SUPT20HL2: variants seen among roughly 807,000 people sequenced by gnomAD.
The protein encoded by SUPT20HL2 is transcription factor SPT20 homolog-like 2.
For synonymous variants in SUPT20HL2, 125 were observed against 51.6 expected, an observed-to-expected ratio of 2.42 and a Z score of -6.10; for missense variants, 288 against 127.4, an observed-to-expected ratio of 2.26 and a Z score of -6.07.
At position 24,310,830 on chromosome X, in the gene SUPT20HL2, T is replaced by G. The variant is rs1939115664; in HGVS notation, c.*32A>C. The G allele has an allele frequency of 2.9e-6, 1 of 344,261 alleles. No homozygotes were observed. The highest frequency in any genetic ancestry group is 2.6e-5 in the African/African-American group (1 of 38,045). 28.4% of individuals were successfully genotyped at this position (344,261 alleles called of 1,213,427 possible). A position where few individuals can be genotyped will look rare whatever the true frequency, so the allele number is the denominator to read the frequency against. Reference sequence around the variant, plus strand: ...GAATTCATGTGGGTCAGTGCTCCCATGCTTTTAAAAGAGAACAAACTACCA... The same window carrying G: ...GAATTCATGTGGGTCAGTGCTCCCAGGCTTTTAAAAGAGAACAAACTACCA... On this transcript the variant is annotated 3_prime_UTR_variant, in exon 1 of 1. Coordinates refer to ENST00000486479, the MANE Select transcript of SUPT20HL2 (RefSeq NM_001136233.3).
In SUPT20HL2 at chrX:24,309,747, A is replaced by AAAAAAAAAAAAAAAAAAAAAAAAAC. The variant is rs1939103179; in HGVS notation, c.*1114_*1115insGTTTTTTTTTTTTTTTTTTTTTTTT. ...AAATAATAAAAATAAAAAAAAAAAGAAAAAAAAAAAAAAAAAAAAAAACAT... is the reference window on the plus strand; with the variant it reads ...AAATAATAAAAATAAAAAAAAAAAGAAAAAAAAAAAAAAAAAAAAAAAAACAAAAAAAAAAAAAAAAAAAAAACAT... On this transcript the variant is annotated 3_prime_UTR_variant, in exon 1 of 1. Transcript: ENST00000486479. Among the ~76,000 whole-genome samples the AAAAAAAAAAAAAAAAAAAAAAAAAC allele has an allele frequency of 3.0e-3, 8 of 2,701 alleles. No individual in the cohort carries two copies. Among genetic ancestry groups the AAAAAAAAAAAAAAAAAAAAAAAAAC allele is most frequent in the East Asian group, 8.9e-3 (1 of 112 alleles). The allele number at this position is 2,701 out of a possible 115,157, so 2.3% of individuals were successfully genotyped here.
In SUPT20HL2 at chrX:24,311,150, G is replaced by A. The variant is rs753868783; in HGVS notation, c.2166C>T (p.Pro722=). The A allele has an allele frequency of 4.3e-5, 16 of 375,166 alleles. No homozygotes were observed. Among genetic ancestry groups the A allele is most frequent in the Admixed American group, 1.1e-4 (4 of 37,633 alleles). The allele number at this position is 375,166 out of a possible 1,213,427, so 30.9% of individuals were successfully genotyped here. ...GACTCAACACAGCAGCCTGGGGCTG[G>A]GGCTGCAGACCACTACCTGCTCCAG... ...NLTGAGSGLQ[P]QPQAAVLSLL... The change falls in exon 1 of 1, where the codon CCC becomes CCT. Residue 722 remains proline (P), a synonymous_variant. Coordinates refer to ENST00000486479, the MANE Select transcript of SUPT20HL2 (RefSeq NM_001136233.3).
Position 24,308,972 on chromosome X carries a change from T to C in SUPT20HL2, c.*1890A>G, listed in dbSNP as rs1176287295. Reference sequence around the variant, plus strand: ...AGGCCAGACACAAAAGATCACATACTGTATGACTACATTTACAGGAAATAT... The same window carrying C: ...AGGCCAGACACAAAAGATCACATACCGTATGACTACATTTACAGGAAATAT... On this transcript the variant is annotated 3_prime_UTR_variant, in exon 1 of 1. Transcript: ENST00000486479. Among the ~76,000 whole-genome samples, 3 of 112,677 alleles carry C rather than the reference T, an allele frequency of 2.7e-5. No individual in the cohort carries two copies. The highest frequency in any genetic ancestry group is 5.6e-5 in the Non-Finnish European group (3 of 53,348).
Position 24,313,950 on chromosome X carries a change from C to A in SUPT20HL2, c.-635G>T, listed in dbSNP as rs751294769. 2.7e-6 allele frequency: 1 copy of A among 364,447 alleles called. No individual in the cohort carries two copies. The highest frequency in any genetic ancestry group is 2.7e-5 in the Admixed American group (1 of 37,158). The allele number at this position is 364,447 out of a possible 1,213,427, so 30.0% of individuals were successfully genotyped here. A position where few individuals can be genotyped will look rare whatever the true frequency, so the allele number is the denominator to read the frequency against. On this transcript the variant is annotated 5_prime_UTR_variant, in exon 1 of 1. Coordinates refer to ENST00000486479, the MANE Select transcript of SUPT20HL2 (RefSeq NM_001136233.3). ...CTTCTAGGCGCGTCTGGGCACCTGCCCAGAAACCTGCCCCCAGGGAAGCGC... is the reference window on the plus strand; with the variant it reads ...CTTCTAGGCGCGTCTGGGCACCTGCACAGAAACCTGCCCCCAGGGAAGCGC...
rs1939160185 is a variant in SUPT20HL2 at position 24,313,907 on chromosome X, C to T, written c.-592G>A. 2.7e-6 allele frequency: 1 copy of T among 367,033 alleles called. No individual in the cohort carries two copies. Among genetic ancestry groups the T allele is most frequent in the Non-Finnish European group, 5.3e-6 (1 of 190,244 alleles). The allele number at this position is 367,033 out of a possible 1,213,427, so 30.2% of individuals were successfully genotyped here. On this transcript the variant is annotated 5_prime_UTR_variant, in exon 1 of 1. Transcript: ENST00000486479. ...CTCTGCGGCCTGGAACGGAAGTGAG[C>T]GGGAGGGCCGGGGTCAGCTTCTAGG... is the stretch of plus-strand genomic sequence containing the variant.
Position 24,308,993 on chromosome X carries a change from A to G in SUPT20HL2, c.*1869T>C, listed in dbSNP as rs748210667. 1.0e-3 allele frequency among the ~76,000 whole-genome samples: 114 copies of G among 112,594 alleles called. No individual in the cohort carries two copies. The highest frequency in any genetic ancestry group is 1.6e-3 in the African/African-American group (51 of 31,162). On this transcript the variant is annotated 3_prime_UTR_variant, in exon 1 of 1. Transcript: ENST00000486479. ...ATACTGTATGACTACATTTACAGGAAATATTTAGGTAAATCCATAGAAACA... is the reference window on the plus strand; with the variant it reads ...ATACTGTATGACTACATTTACAGGAGATATTTAGGTAAATCCATAGAAACA...
rs200038873 is a variant in SUPT20HL2 at position 24,308,327 on chromosome X, G to A, written c.*2535C>T. 2.7e-6 allele frequency: 1 copy of A among 373,053 alleles called. No homozygotes were observed. The highest frequency in any genetic ancestry group is 5.2e-6 in the Non-Finnish European group (1 of 192,081). 30.7% of individuals were successfully genotyped at this position (373,053 alleles called of 1,213,427 possible). A position where few individuals can be genotyped will look rare whatever the true frequency, so the allele number is the denominator to read the frequency against. ...TACTTGAAAGAAGCAGCAGGCAAAG[G>A]AGAAAGCACACCAAATTTGGTGACA... is the stretch of plus-strand genomic sequence containing the variant. On this transcript the variant is annotated 3_prime_UTR_variant, in exon 1 of 1. Coordinates refer to ENST00000486479, the MANE Select transcript of SUPT20HL2 (RefSeq NM_001136233.3).
rs1217691968 is a variant in SUPT20HL2 at position 24,310,034 on chromosome X, A to G, written c.*828T>C. ...TAAACCTATTAATGTGAATACGATT[A>G]CACTCTTTCTTCTGAAAGAGGTTTC... On this transcript the variant is annotated 3_prime_UTR_variant, in exon 1 of 1. Transcript: ENST00000486479. Among the ~76,000 whole-genome samples, 1 of 111,612 alleles carries G rather than the reference A, an allele frequency of 9.0e-6. No individual in the cohort carries two copies. Among genetic ancestry groups the G allele is most frequent in the African/African-American group, 3.3e-5 (1 of 30,665 alleles).
chrX:24,309,769 A>AAAACCAAAAAAAAACCC lies in SUPT20HL2; in HGVS notation c.*1092_*1093insGGGTTTTTTTTTGGTTT, dbSNP rs1939105758. ...AAGAAAAAAAAAAAAAAAAAAAAAA[A>AAAACCAAAAAAAAACCC]CATCCAAAAAGAGCCTTTTCAAAGC... is the stretch of plus-strand genomic sequence containing the variant. On this transcript the variant is annotated 3_prime_UTR_variant, in exon 1 of 1. Transcript: ENST00000486479. Among the ~76,000 whole-genome samples the AAAACCAAAAAAAAACCC allele has an allele frequency of 1.6e-5, 1 of 61,869 alleles. No homozygotes were observed. The allele number at this position is 61,869 out of a possible 115,157, so 53.7% of individuals were successfully genotyped here. A position where few individuals can be genotyped will look rare whatever the true frequency, so the allele number is the denominator to read the frequency against.
Position 24,312,859 on chromosome X carries a change from T to C in SUPT20HL2, c.457A>G (p.Ser153Gly). The change falls in exon 1 of 1, where the codon AGT becomes GGT. Residue 153 changes from serine to glycine, a missense_variant. Physicochemically the swap from Ser to Gly is moderately conservative, Grantham distance 56. Transcript: ENST00000486479. ...TGGTAACCAGGAGGTTGCATATTAC[T>C]GGACTGCCTGTAGTCACGAACTTCT... is the stretch of plus-strand genomic sequence containing the variant. ...IVEVRDYRQS[S>G]NMQPPGYQSR... 1 of 385,449 alleles carries C rather than the reference T, an allele frequency of 2.6e-6. No individual in the cohort carries two copies. The highest frequency in any genetic ancestry group is 5.2e-6 in the Non-Finnish European group (1 of 192,232). The allele number at this position is 385,449 out of a possible 1,213,427, so 31.8% of individuals were successfully genotyped here. A position where few individuals can be genotyped will look rare whatever the true frequency, so the allele number is the denominator to read the frequency against.
rs750601612 is a variant in SUPT20HL2, at chrX:24,311,342, C to G, written c.1974G>C (p.Ala658=). The G allele has an allele frequency of 2.6e-6, 1 of 386,369 alleles. No homozygotes were observed. Among genetic ancestry groups the G allele is most frequent in the Non-Finnish European group, 5.2e-6 (1 of 192,520 alleles). 31.8% of individuals were successfully genotyped at this position (386,369 alleles called of 1,213,427 possible). Reference sequence around the variant, plus strand: ...ACTGCTGCTGCGGGCCGGTCAGAACCGCCCAGCCCTGCGGAACCTGGAGTG... The same window carrying G: ...ACTGCTGCTGCGGGCCGGTCAGAACGGCCCAGCCCTGCGGAACCTGGAGTG... ...PLTLQVPQGW[A]VLTGPQQQSH... is the part of the protein sequence containing the mutation. Residue 658 remains alanine, a synonymous_variant, in exon 1 of 1, where the codon GCG becomes GCC. Coordinates refer to ENST00000486479, the MANE Select transcript of SUPT20HL2 (RefSeq NM_001136233.3).
rs373009818 is a variant in SUPT20HL2 at position 24,313,251 on chromosome X, C to A, written c.65G>T (p.Arg22Ile). The change falls in exon 1 of 1, where the codon AGA (arginine) becomes ATA (isoleucine). Residue 22 changes from arginine (R) to isoleucine (I), a missense_variant. Arg to Ile is a moderately conservative substitution (Grantham distance 97). Transcript: ENST00000486479. ...TENITEIAQQ[R>I]RPRRRYSPRA... Reference sequence around the variant, plus strand: ...AGGTGAGTATCTCCTTCTAGGACGTCTCTGTTGGGCAATTTCAGTGATATT... The same window carrying A: ...AGGTGAGTATCTCCTTCTAGGACGTATCTGTTGGGCAATTTCAGTGATATT... 2 of 385,059 alleles carry A rather than the reference C, an allele frequency of 5.2e-6. No homozygotes were observed. The highest frequency in any genetic ancestry group is 5.1e-5 in the African/African-American group (2 of 39,040). The allele number at this position is 385,059 out of a possible 1,213,427, so 31.7% of individuals were successfully genotyped here.
Position 24,308,955 on chromosome X carries a change from C to T in SUPT20HL2, c.*1907G>A, listed in dbSNP as rs1397190130. ...ATTATGCCGAGTGAAAGAGGCCAGA[C>T]ACAAAAGATCACATACTGTATGACT... On this transcript the variant is annotated 3_prime_UTR_variant, in exon 1 of 1. Coordinates refer to ENST00000486479, the MANE Select transcript of SUPT20HL2 (RefSeq NM_001136233.3). Among the ~76,000 whole-genome samples, 1 of 112,529 alleles carries T rather than the reference C, an allele frequency of 8.9e-6. No individual in the cohort carries two copies. The highest frequency in any genetic ancestry group is 3.2e-5 in the African/African-American group (1 of 31,086).
rs1284446733 is a variant in SUPT20HL2 at position 24,313,585 on chromosome X, C to CG, written c.-271dup. 5.9e-5 allele frequency among the ~76,000 whole-genome samples: 6 copies of CG among 102,213 alleles called. No individual in the cohort carries two copies. The highest frequency in any genetic ancestry group is 2.2e-4 in the African/African-American group (6 of 27,228). 88.8% of individuals were successfully genotyped at this position (102,213 alleles called of 115,157 possible). A position where few individuals can be genotyped will look rare whatever the true frequency, so the allele number is the denominator to read the frequency against. ...CTGGAACAGAAGTGAGCGGGAGGGC[C>CG]GGGGTCAGCTTCTAGGCGCGTCTGG... is the stretch of plus-strand genomic sequence containing the variant. On this transcript the variant is annotated 5_prime_UTR_variant, in exon 1 of 1. Transcript: ENST00000486479.
chrX:24,311,779 CAGCAGGAGCAGG>C lies in SUPT20HL2; in HGVS notation c.1525_1536del (p.Pro509_Ala512del), dbSNP rs758836549. ...GCAGCAGCAGCTAAAGCAGGAGCAG[CAGCAGGAGCAGG>C]AGCAGGAGCAGGAGCAGCAGCAGCT... On this transcript the variant is annotated inframe_deletion, in exon 1 of 1. Transcript: ENST00000486479. 236 of 336,953 alleles carry C rather than the reference CAGCAGGAGCAGG, an allele frequency of 7.0e-4. No individual in the cohort carries two copies. Among genetic ancestry groups the C allele is most frequent in the African/African-American group, 1.1e-3 (42 of 37,821 alleles). The allele number at this position is 336,953 out of a possible 1,213,427, so 27.8% of individuals were successfully genotyped here.
Position 24,309,757 on chromosome X carries a change from A to G in SUPT20HL2, c.*1105T>C, listed in dbSNP as rs1939104316. 4.4e-5 allele frequency among the ~76,000 whole-genome samples: 4 copies of G among 91,376 alleles called. No homozygotes were observed. The highest frequency in any genetic ancestry group is 6.4e-5 in the Non-Finnish European group (3 of 46,542). 79.3% of individuals were successfully genotyped at this position (91,376 alleles called of 115,157 possible). ...AATAAAAAAAAAAAGAAAAAAAAAA[A>G]AAAAAAAAAAAACATCCAAAAAGAG... On this transcript the variant is annotated 3_prime_UTR_variant, in exon 1 of 1. Coordinates refer to ENST00000486479, the MANE Select transcript of SUPT20HL2 (RefSeq NM_001136233.3).
chrX:24,311,761 C>T lies in SUPT20HL2; in HGVS notation c.1555G>A (p.Ala519Thr), dbSNP rs752257801. The change falls in exon 1 of 1, where the codon GCT becomes ACT. Residue 519 changes from alanine to threonine, a missense_variant. Transcript: ENST00000486479. Reference sequence around the variant, plus strand: ...CCGGCCGCCGCCGCCACAGCAGCAGCAGCTAAAGCAGGAGCAGCAGCAGGA... The same window carrying T: ...CCGGCCGCCGCCGCCACAGCAGCAGTAGCTAAAGCAGGAGCAGCAGCAGGA... ...PAPAAAPALA[A>T]AAVAAAAGGA... The T allele has an allele frequency of 3.6e-4, 127 of 349,390 alleles. No individual in the cohort carries two copies. Among genetic ancestry groups the T allele is most frequent in the Non-Finnish European group, 6.7e-4 (118 of 175,307 alleles). 28.8% of individuals were successfully genotyped at this position (349,390 alleles called of 1,213,427 possible).
rs954965747 is a variant in SUPT20HL2 at position 24,308,545 on chromosome X, G to A, written c.*2317C>T. On this transcript the variant is annotated 3_prime_UTR_variant, in exon 1 of 1. Transcript: ENST00000486479. Reference sequence around the variant, plus strand: ...AGTTGGTCAAATCTTTAACAGCATCGGTAGCACATTAGTAAAAGGGTTCAT... The same window carrying A: ...AGTTGGTCAAATCTTTAACAGCATCAGTAGCACATTAGTAAAAGGGTTCAT... Among the ~76,000 whole-genome samples, 11 of 112,162 alleles carry A rather than the reference G, an allele frequency of 9.8e-5. No individual in the cohort carries two copies. Among genetic ancestry groups the A allele is most frequent in the African/African-American group, 3.2e-4 (10 of 30,876 alleles).
chrX:24,313,249 G>T lies in SUPT20HL2; in HGVS notation c.67C>A (p.Arg23Ser). 2.6e-6 allele frequency: 1 copy of T among 387,028 alleles called. No homozygotes were observed. Among genetic ancestry groups the T allele is most frequent in the Non-Finnish European group, 5.2e-6 (1 of 192,608 alleles). 31.9% of individuals were successfully genotyped at this position (387,028 alleles called of 1,213,427 possible). A position where few individuals can be genotyped will look rare whatever the true frequency, so the allele number is the denominator to read the frequency against. ...CTAGGTGAGTATCTCCTTCTAGGAC[G>T]TCTCTGTTGGGCAATTTCAGTGATA... ...ENITEIAQQR[R>S]PRRRYSPRAG... Residue 23 changes from arginine (R) to serine (S), a missense_variant, in exon 1 of 1, where the codon CGT (arginine) becomes AGT (serine). Transcript: ENST00000486479.
Sources: allele counts gnomAD v4.1 joint callset (sites outside exome capture counted in the v4.1 genomes callset), GRCh38; gene constraint gnomAD v4.1.1; transcripts MANE v1.5; gene names NCBI Gene and HGNC (gene_info 2026-07-23, HGNC 2026-07-21).